LAMC1: variants seen among roughly 807,000 people sequenced by gnomAD.
The protein encoded by LAMC1 is laminin subunit gamma 1, also known as laminin subunit gamma-1.
LAMC1 carries 38 observed loss-of-function variants against 173.6 expected under a neutral mutation model. The ratio of observed to expected loss-of-function variants is 0.22; its 90% confidence interval spans 0.17 to 0.29. LAMC1 has a LOEUF of 0.29. LAMC1 is among the 10% of genes least tolerant of loss of function. LAMC1 has a pLI of 1.00. For missense variants in LAMC1, 1,824 were observed against 2,051.8 expected (o/e 0.89, Z 2.14); for synonymous variants, 746 against 749.1 (o/e 1.00, Z 0.07).
At chr1:183,029,555 G>A (rs187445269) in intron 1 of LAMC1, among the ~76,000 whole-genome samples, 13 of 152,188 alleles carry the variant, frequency 8.5e-5, no homozygotes, top group Admixed American at 5.2e-4. Flanking sequence ...CCTTTTTGTT[G>A]CTTCACGTGT....
chr1:183,049,363 T>A (rs1376674507), intron 1 of LAMC1, among the ~76,000 whole-genome samples: 1 of 152,184 alleles, frequency 6.6e-6, no homozygotes, highest in Non-Finnish European at 1.5e-5. Flanking sequence ...GTAAAAGAAA[T>A]CTAATTTTTT....
At chr1:183,120,843 T>G (rs963643294) in intron 11 of LAMC1, among the ~76,000 whole-genome samples, 4 of 151,896 alleles carry the variant, frequency 2.6e-5, no homozygotes, top group African/African-American at 9.7e-5. Context: ...TTTTGGGGGG[T>G]TTTTTGGCTG....
intron 1 of LAMC1, among the ~76,000 whole-genome samples, chr1:183,069,518 G>C (rs1318924589): frequency 6.6e-6 from 1 of 152,208 alleles, no homozygotes; most frequent in Non-Finnish European, 1.5e-5. Context: ...TTATTCTGTT[G>C]TTTCAGTGGG....
At chr1:183,095,509 T>A (rs1655671090) in intron 1 of LAMC1, among the ~76,000 whole-genome samples, 1 of 152,234 alleles carries the variant, frequency 6.6e-6, no homozygotes, top group Admixed American at 6.5e-5. Context: ...AGCTTATATT[T>A]AATTGCCTTT....
intron 27 of LAMC1, among the ~76,000 whole-genome samples, chr1:183,141,690 A>G (rs1657118164): frequency 6.6e-6 from 1 of 152,192 alleles, no homozygotes; most frequent in South Asian, 2.1e-4. Flanking sequence ...AGAATAAGTT[A>G]TGTGCCAACA....
chr1:183,138,566 G>T (rs1657015107), intron 26 of LAMC1: 1 of 152,182 alleles, frequency 6.6e-6, no homozygotes, highest in East Asian at 1.9e-4. Context: ...GTCCCTCAGT[G>T]TGGGTCATTT....
Position 183,142,564 on chromosome 1 carries a change from T to G in LAMC1, c.4604T>G (p.Leu1535Arg). Residue 1535 changes from leucine (L) to arginine (R), a missense_variant, in exon 28 of 28, where the codon CTA becomes CGA. Coordinates refer to ENST00000258341, the MANE Select transcript of LAMC1 (RefSeq NM_002293.4). Reference protein sequence around the residue: ...GQLDTVDLNKLNEIEGTLNKA... With the variant: ...GQLDTVDLNKRNEIEGTLNKA... ...CTGGATACAGTGGACCTGAATAAGC[T>G]AAACGAGATTGAAGGCACCCTAAAC... The G allele has an allele frequency of 6.2e-7, 1 of 1,613,658 alleles. No homozygotes were observed. Among genetic ancestry groups the G allele is most frequent in the Non-Finnish European group, 8.5e-7 (1 of 1,179,802 alleles).
At chr1:183,092,232 G>A (rs1655583095) in intron 1 of LAMC1, among the ~76,000 whole-genome samples, 1 of 152,166 alleles carries the variant, frequency 6.6e-6, no homozygotes, top group Non-Finnish European at 1.5e-5. Context: ...AAGAGCTTAA[G>A]TTCATTCCAC....
intron 2 of LAMC1, among the ~76,000 whole-genome samples, chr1:183,107,559 G>A (rs559689783): frequency 6.6e-6 from 1 of 152,290 alleles, no homozygotes; most frequent in South Asian, 2.1e-4. Context: ...GGCCAGGCGT[G>A]GTGGCTCACG....
At chr1:183,031,303 C>CT (rs1457744168) in intron 1 of LAMC1, among the ~76,000 whole-genome samples, 1 of 152,008 alleles carries the variant, frequency 6.6e-6, no homozygotes, top group South Asian at 2.1e-4. Context: ...ACAGTTGCTT[C>CT]TTTTTTTTCT....
chr1:183,042,186 A>G (rs1654154263), intron 1 of LAMC1, among the ~76,000 whole-genome samples: 1 of 152,196 alleles, frequency 6.6e-6, no homozygotes, highest in South Asian at 2.1e-4. Flanking sequence ...GCTGACATTC[A>G]GGGACTCATG....
chr1:183,050,878 T>G, intron 1 of LAMC1, among the ~76,000 whole-genome samples: 1 of 116,818 alleles, frequency 8.6e-6, no homozygotes, highest in Admixed American at 1.1e-4. Context: ...GCAACAGGAG[T>G]GAAACTCCAT....
chr1:183,135,698 A>T (rs972618773), intron 24 of LAMC1, among the ~76,000 whole-genome samples: 1 of 151,952 alleles, frequency 6.6e-6, no homozygotes, highest in African/African-American at 2.4e-5. Flanking sequence ...ACTGGGGAAT[A>T]TAGTGAGACC....
chr1:183,126,306 C>A (rs539760697), intron 16 of LAMC1, 44 bp downstream of exon 16: 15 of 1,595,954 alleles, frequency 9.4e-6, no homozygotes, highest in Non-Finnish European at 1.1e-5. Context: ...TCCACTAATT[C>A]CAGTTAGTGT....
chr1:183,026,493 CTG>C (rs1308968901), intron 1 of LAMC1, among the ~76,000 whole-genome samples: 1 of 152,044 alleles, frequency 6.6e-6, no homozygotes, highest in African/African-American at 2.4e-5. Flanking sequence ...TCATGTGTCA[CTG>C]TGTGTTTTGA....
chr1:183,081,045 C>T (rs944207435), intron 1 of LAMC1, among the ~76,000 whole-genome samples: 2 of 151,944 alleles, frequency 1.3e-5, no homozygotes, highest in African/African-American at 2.4e-5. Flanking sequence ...CCTGCCACCA[C>T]GCCCGGCTAA....
intron 1 of LAMC1, among the ~76,000 whole-genome samples, chr1:183,101,330 G>A (rs74129642): frequency 3.1e-3 from 475 of 151,810 alleles, no homozygotes; most frequent in African/African-American, 0.011. Flanking sequence ...TCATTCAAAG[G>A]TGATGTCTTG....
rs917051091 is a variant in LAMC1 at position 183,102,881 on chromosome 1, G to C, written c.419-447G>C. On this transcript the variant is annotated intron_variant, in intron 1 of 27. Transcript: ENST00000258341. Reference sequence around the variant, plus strand: ...ATATTCTTTCTGCGTCAAGAGTAACGTTACAGTTAATAGAGAATGAGGTTT... The same window carrying C: ...ATATTCTTTCTGCGTCAAGAGTAACCTTACAGTTAATAGAGAATGAGGTTT... 3.9e-5 allele frequency among the ~76,000 whole-genome samples: 6 copies of C among 152,088 alleles called. No homozygotes were observed. In the East Asian group the frequency reaches 1.2e-3, roughly 29 times the overall value.
chr1:183,126,058 A>T (rs2102096245), intron 15 of LAMC1, 62 bp from the exon 16 acceptor site: 1 of 1,541,948 alleles, frequency 6.5e-7, no homozygotes, highest in East Asian at 2.2e-5. Flanking sequence ...ACTAAAAAAA[A>T]AAAAAAGTTG....
Sources: allele counts gnomAD v4.1 joint callset (sites outside exome capture counted in the v4.1 genomes callset), GRCh38; gene constraint gnomAD v4.1.1; transcripts MANE v1.5; gene names NCBI Gene and HGNC (gene_info 2026-07-23, HGNC 2026-07-21).